SGSM1: variants seen among roughly 807,000 people sequenced by gnomAD.
SGSM1 encodes the protein small G protein signaling modulator 1, also known as RUN and TBC1 domain containing 2.
SGSM1 carries 73 observed loss-of-function variants against 133.8 expected under a neutral mutation model. That is an observed-to-expected ratio of 0.55 (90% CI 0.45 to 0.66). SGSM1 has a LOEUF of 0.66. Ranked by LOEUF, SGSM1 falls within the 30% of genes least tolerant of loss-of-function variation. The pLI is 0.00. For missense variants in SGSM1, 1,213 were observed against 1,448.1 expected (o/e 0.84, Z 2.64); for synonymous variants, 563 against 573.0 (o/e 0.98, Z 0.25).
chr22:24,877,802 C>CTTTTTTTTTTTT (rs36036968), intron 13 of SGSM1, among the ~76,000 whole-genome samples: 5 of 75,450 alleles, frequency 6.6e-5, no homozygotes, highest in Non-Finnish European at 1.2e-4. Context: ...TTCTTTCTTT[C>CTTTTTTTTTTTT]TTTTTTTTTT....
intron 17 of SGSM1, among the ~76,000 whole-genome samples, chr22:24,895,008 C>T (rs1404118789): frequency 6.6e-6 from 1 of 152,156 alleles, no homozygotes; most frequent in Non-Finnish European, 1.5e-5. Context: ...GGTGGGAACC[C>T]AGAGGTCAAA....
chr22:24,821,170 A>C (rs1208069856), intron 2 of SGSM1, among the ~76,000 whole-genome samples: 6 of 152,162 alleles, frequency 3.9e-5, no homozygotes, highest in Non-Finnish European at 7.4e-5. Flanking sequence ...CCGAATAGCC[A>C]GGATGACAGG....
At chr22:24,863,921 A>G (rs1158711694) in intron 9 of SGSM1, among the ~76,000 whole-genome samples, 1 of 148,638 alleles carries the variant, frequency 6.7e-6, no homozygotes, top group Non-Finnish European at 1.5e-5. Context: ...TTGTATTTTT[A>G]GTAGAGACGG....
chr22:24,887,860 T>A (rs1426703191), intron 16 of SGSM1, among the ~76,000 whole-genome samples: 1 of 152,150 alleles, frequency 6.6e-6, no homozygotes, highest in Non-Finnish European at 1.5e-5. Context: ...TTCACCAGAG[T>A]TTTGTCTTGT....
intron 12 of SGSM1, among the ~76,000 whole-genome samples, 189 bp from the exon 13 acceptor site, chr22:24,876,388 G>A (rs1366761317): frequency 6.6e-6 from 1 of 152,178 alleles, no homozygotes; most frequent in East Asian, 1.9e-4. Context: ...AGATTTTGGT[G>A]GTGGCTTTCA....
rs541060345 is a variant in SGSM1, at chr22:24,915,178, G to A, written c.2928+2426G>A. 3.9e-5 allele frequency among the ~76,000 whole-genome samples: 6 copies of A among 152,288 alleles called. No homozygotes were observed. In the East Asian group the frequency reaches 1.2e-3, roughly 29 times the overall value. On this transcript the variant is annotated intron_variant, in intron 22 of 24. Coordinates refer to ENST00000400358, the MANE Select transcript of SGSM1 (RefSeq NM_001098497.3). ...CGGGAGGCGGAGCTTGCAGTGAGCCGAGATCGCGCCACTGGACTCCAGCCT... is the reference window on the plus strand; with the variant it reads ...CGGGAGGCGGAGCTTGCAGTGAGCCAAGATCGCGCCACTGGACTCCAGCCT...
intron 4 of SGSM1, 65 bp downstream of exon 4, chr22:24,847,861 T>A: frequency 6.4e-7 from 1 of 1,561,746 alleles, no homozygotes; most frequent in South Asian, 1.2e-5. Flanking sequence ...CCTCCCTGGG[T>A]CCTGAGAGAG....
Position 24,855,537 on chromosome 22 carries a change from ACT to A in SGSM1, c.670-7_670-6del, listed in dbSNP as rs747086665. 17 of 1,613,350 alleles carry A rather than the reference ACT, an allele frequency of 1.1e-5. No homozygotes were observed. Among genetic ancestry groups the A allele is most frequent in the South Asian group, 4.4e-5 (4 of 91,032 alleles). On this transcript the variant is annotated splice_polypyrimidine_tract_variant and intron_variant, in intron 7 of 24. Transcript: ENST00000400358. ...AGGCCTCATCCCTCTGTCTCCCGTC[ACT>A]CTCTACCAGATCCAGAAGAGGCATT...
intron 9 of SGSM1, among the ~76,000 whole-genome samples, chr22:24,860,651 C>T (rs1601931409): frequency 1.3e-5 from 2 of 151,834 alleles, no homozygotes; most frequent in South Asian, 4.2e-4. Flanking sequence ...ACCTGTAATC[C>T]CAGTGCTTTG....
At chr22:24,871,696 G>T (rs1195045122) in intron 12 of SGSM1, among the ~76,000 whole-genome samples, 1 of 152,200 alleles carries the variant, frequency 6.6e-6, no homozygotes, top group Non-Finnish European at 1.5e-5. Flanking sequence ...TCCAGAGCCT[G>T]TGCCTCTAAC....
intron 8 of SGSM1, 119 bp downstream of exon 8, chr22:24,855,799 C>A: frequency 6.9e-6 from 10 of 1,443,672 alleles, no homozygotes; most frequent in Non-Finnish European, 9.6e-6. Context: ...CTCACCCATG[C>A]ACACATCCAC....
chr22:24,870,013 T>A (rs1053019500), intron 12 of SGSM1, among the ~76,000 whole-genome samples: 1 of 152,242 alleles, frequency 6.6e-6, no homozygotes, highest in Non-Finnish European at 1.5e-5. Flanking sequence ...GCGGCCCTCA[T>A]GTTCCCATCC....
At position 24,859,885 on chromosome 22, in the gene SGSM1, G is replaced by A. The variant is rs757893231; in HGVS notation, c.926+45G>A. On this transcript the variant is annotated intron_variant, in intron 9 of 24. Transcript: ENST00000400358. ...ACGTATCCCTTGGGTCCCTCCACTC[G>A]CCTTGGCACAAGGAAGTTCCTCCCC... 7 of 1,608,498 alleles carry A rather than the reference G, an allele frequency of 4.4e-6. No individual in the cohort carries two copies. The Admixed American group carries it at 6.7e-5, about 15-fold the overall frequency.
At chr22:24,889,980 G>A (rs1238356016) in intron 16 of SGSM1, among the ~76,000 whole-genome samples, 11 of 105,530 alleles carry the variant, frequency 1.0e-4, no homozygotes, top group South Asian at 6.0e-4. Flanking sequence ...TTTTTGAGAC[G>A]GAGTCTTGCT....
intron 12 of SGSM1, among the ~76,000 whole-genome samples, chr22:24,871,526 A>G (rs1931763258): frequency 6.6e-6 from 1 of 151,990 alleles, no homozygotes; most frequent in Non-Finnish European, 1.5e-5. Flanking sequence ...CACTGTCCCT[A>G]TCTTAACTCA....
rs9612811 is a variant in SGSM1, at chr22:24,924,289, C to T, written c.*15C>T. On this transcript the variant is annotated 3_prime_UTR_variant, in exon 25 of 25. Transcript: ENST00000400358. ...AGAACAAGTGAGGGGCACCTCACCCCGGCAGCCTCAGCCAAGCTGCCCCTG... is the reference window on the plus strand; with the variant it reads ...AGAACAAGTGAGGGGCACCTCACCCTGGCAGCCTCAGCCAAGCTGCCCCTG... 50,847 of 1,609,502 alleles carry T rather than the reference C, an allele frequency of 0.032. 894 individuals are homozygous for T. The highest frequency in any genetic ancestry group is 0.034 in the Non-Finnish European group (39,728 of 1,176,424).
intron 2 of SGSM1, among the ~76,000 whole-genome samples, chr22:24,840,179 C>T (rs139657): frequency 0.18 from 27,677 of 151,952 alleles, 2,599 homozygotes; most frequent in Middle Eastern, 0.26. Flanking sequence ...CTCCTGACCT[C>T]GTGATCTGCC....
intron 20 of SGSM1, among the ~76,000 whole-genome samples, 179 bp downstream of exon 20, chr22:24,902,136 C>T (rs542945834): frequency 6.6e-6 from 1 of 152,178 alleles, no homozygotes; most frequent in Non-Finnish European, 1.5e-5. Flanking sequence ...TTATTAAGCA[C>T]TTACTGTATA....
intron 12 of SGSM1, among the ~76,000 whole-genome samples, chr22:24,873,952 G>T (rs1315256600): frequency 6.6e-6 from 1 of 151,790 alleles, no homozygotes; most frequent in Admixed American, 6.5e-5. Context: ...CCATGCCTCA[G>T]TTTTCTAATC....
Sources: gnomAD v4.1 joint callset for allele counts (sites outside exome capture counted in the v4.1 genomes callset) on GRCh38, gnomAD v4.1.1 for gene constraint, MANE v1.5 for transcripts, NCBI Gene and HGNC (gene_info 2026-07-23, HGNC 2026-07-21) for gene names.